Variants in SLC9A5 observed in about 807,000 individuals in gnomAD.
The protein encoded by SLC9A5 is solute carrier family 9 member A5, also known as sodium/hydrogen exchanger 5.
In SLC9A5, 52 loss-of-function variants were observed where a neutral mutation model predicts 91.7. That is an observed-to-expected ratio of 0.57 (90% confidence interval 0.45 to 0.71). SLC9A5 has a LOEUF of 0.71. Among genes scored for constraint, SLC9A5 ranks in the 30% least tolerant of loss-of-function variants. SLC9A5 has a pLI of 0.00. For synonymous variants in SLC9A5, 419 were observed against 474.5 expected (o/e 0.88, Z 1.52); for missense variants, 871 against 1,158.9 (o/e 0.75, Z 3.61).
chr16:67,271,045 A>C lies in SLC9A5; in HGVS notation c.2526A>C (p.Pro842=), dbSNP rs1597368976. Residue 842 remains proline, a synonymous_variant, in exon 16 of 16, where the codon CCA becomes CCC. Transcript: ENST00000299798. ...PSDPRSSFAF[P]PSLAKAGRSR... ...ATCCACGCTCTAGCTTCGCCTTCCC[A>C]CCGAGCCTGGCCAAGGCTGGCCGCT... 6.2e-7 allele frequency: 1 copy of C among 1,611,706 alleles called. No homozygotes were observed. The highest frequency in any genetic ancestry group is 8.5e-7 in the Non-Finnish European group (1 of 1,178,610).
rs1281697354 is a variant in SLC9A5, at chr16:67,258,498, C to T, written c.1626+51C>T. On this transcript the variant is annotated intron_variant, in intron 10 of 15. Transcript: ENST00000299798. The surrounding 1 kb of genome is among the most constrained non-coding windows in gnomAD (Gnocchi z 4.5). ...CAGTGGTGGGTGGGCAGATGGTCAGCAGAGCAGGACAGAAAGGGGTGGCAA... is the reference window on the plus strand; with the variant it reads ...CAGTGGTGGGTGGGCAGATGGTCAGTAGAGCAGGACAGAAAGGGGTGGCAA... 3 of 1,608,376 alleles carry T rather than the reference C, an allele frequency of 1.9e-6. No homozygotes were observed. In the South Asian group the frequency reaches 3.3e-5, roughly 18 times the overall value.
At position 67,254,941 on chromosome 16, in the gene SLC9A5, C is replaced by A. The variant is rs2035254266; in HGVS notation, c.491-80C>A. 5 of 1,417,980 alleles carry A rather than the reference C, an allele frequency of 3.5e-6. No individual in the cohort carries two copies. In the East Asian group the frequency reaches 9.2e-5, roughly 26 times the overall value. The allele number at this position is 1,417,980 out of a possible 1,614,324, so 87.8% of individuals were successfully genotyped here. A position where few individuals can be genotyped will look rare whatever the true frequency, so the allele number is the denominator to read the frequency against. ...CTTGCTGTTATCAGCAGGGGTGGGG[C>A]CTGGGCTTGTTCCAGGGCGTGCTCC... On this transcript the variant is annotated intron_variant, in intron 2 of 15. Coordinates refer to ENST00000299798, the MANE Select transcript of SLC9A5 (RefSeq NM_004594.3).
chr16:67,269,270 G>GA (rs971771548), intron 15 of SLC9A5, among the ~76,000 whole-genome samples: 85 of 144,730 alleles, frequency 5.9e-4, no homozygotes, highest in South Asian at 2.0e-3. Context: ...CTAAAAATAC[G>GA]AAAAAAAAAA....
At position 67,270,600 on chromosome 16, in the gene SLC9A5, C is replaced by T. The variant is rs535722065; in HGVS notation, c.2219-138C>T. ...GAGAGTAAAACAAGCTGTGGTACTT[C>T]GCCTCAGCAAGACATTCATCCGATA... On this transcript the variant is annotated intron_variant, in intron 15 of 15. Transcript: ENST00000299798. The surrounding 1 kb of genome is among the most constrained non-coding windows in gnomAD (Gnocchi z 4.3). 5.1e-5 allele frequency: 32 copies of T among 623,232 alleles called. No individual in the cohort carries two copies. Among genetic ancestry groups the T allele is most frequent in the Middle Eastern group, 3.8e-4 (1 of 2,608 alleles). 38.6% of individuals were successfully genotyped at this position (623,232 alleles called of 1,614,324 possible). A position where few individuals can be genotyped will look rare whatever the true frequency, so the allele number is the denominator to read the frequency against.
chr16:67,264,691 G>A (rs2035642258), intron 13 of SLC9A5, among the ~76,000 whole-genome samples, 169 bp downstream of exon 13: 1 of 152,162 alleles, frequency 6.6e-6, no homozygotes, highest in Non-Finnish European at 1.5e-5. Flanking sequence ...TGGAGTCCCA[G>A]AAGGGTAAGG....
At chr16:67,266,043 A>G (rs2035687834) in intron 14 of SLC9A5, 45 bp from the exon 15 acceptor site, 1 of 1,605,226 alleles carries the variant, frequency 6.2e-7, no homozygotes. Flanking sequence ...CCCAACAGGC[A>G]GCTGCCAGCC....
chr16:67,265,887 T>A (rs1223190962), intron 14 of SLC9A5, among the ~76,000 whole-genome samples: 1 of 152,166 alleles, frequency 6.6e-6, no homozygotes, highest in Non-Finnish European at 1.5e-5. Context: ...TCTGGTCGCT[T>A]CCTTGGGCTC....
intron 12 of SLC9A5, among the ~76,000 whole-genome samples, chr16:67,260,198 T>C (rs1484443289): frequency 6.6e-6 from 1 of 151,422 alleles, no homozygotes; most frequent in Non-Finnish European, 1.5e-5. Context: ...CTACTAAAAA[T>C]ACAAAAATTA....
At position 67,255,212 on chromosome 16, in the gene SLC9A5, C is replaced by G. The variant is rs750814291; in HGVS notation, c.654+28C>G. 1.9e-6 allele frequency: 3 copies of G among 1,606,096 alleles called. No homozygotes were observed. The highest frequency in any genetic ancestry group is 1.7e-6 in the Non-Finnish European group (2 of 1,174,752). On this transcript the variant is annotated intron_variant, in intron 3 of 15. Coordinates refer to ENST00000299798, the MANE Select transcript of SLC9A5 (RefSeq NM_004594.3). The surrounding 1 kb of genome is among the most constrained non-coding windows in gnomAD (Gnocchi z 4.9). ...GAGCGTGCTCAGCTGACTGCCATTC[C>G]CTGACCCCAGGCTGCATGCTCTGAC... is the stretch of plus-strand genomic sequence containing the variant.
rs2035279249 is a variant in SLC9A5 at position 67,255,485 on chromosome 16, C to T, written c.733+14C>T. ...TGAAGGGAGTCGGTCAGTATTTCCC[C>T]GCTCCCAGCTGGCATTGGAGGTCTG... On this transcript the variant is annotated intron_variant, in intron 4 of 15. Coordinates refer to ENST00000299798, the MANE Select transcript of SLC9A5 (RefSeq NM_004594.3). The surrounding 1 kb of genome is among the most constrained non-coding windows in gnomAD (Gnocchi z 4.9). The T allele has an allele frequency of 9.3e-6, 15 of 1,613,120 alleles. No individual in the cohort carries two copies. The highest frequency in any genetic ancestry group is 2.2e-5 in the East Asian group (1 of 44,888).
At position 67,256,630 on chromosome 16, in the gene SLC9A5, C is replaced by T; in HGVS notation, c.1073C>T (p.Ala358Val). The change falls in exon 6 of 16, where the codon GCC becomes GTC. Residue 358 changes from alanine to valine, a missense_variant. Ala to Val is a moderately conservative substitution (Grantham distance 64, BLOSUM62 0). Coordinates refer to ENST00000299798, the MANE Select transcript of SLC9A5 (RefSeq NM_004594.3). This position sits in a 1 kb window ranked among gnomAD's most constrained non-coding sequence, Gnocchi z 4.1. The part of the protein sequence containing the change: ...GISAVDSSKW[A>V]WDSGLVLGTL... Reference sequence around the variant, plus strand: ...TCAGCCGTGGACTCTTCTAAGTGGGCCTGGGATTCTGGGCTGGTGCTGGGC... The same window carrying T: ...TCAGCCGTGGACTCTTCTAAGTGGGTCTGGGATTCTGGGCTGGTGCTGGGC... 2 of 1,614,024 alleles carry T rather than the reference C, an allele frequency of 1.2e-6. No individual in the cohort carries two copies. The highest frequency in any genetic ancestry group is 1.7e-6 in the Non-Finnish European group (2 of 1,180,014).
rs139757532 is a variant in SLC9A5 at position 67,262,129 on chromosome 16, CCTT to C, written c.1842+2187_1842+2189del. The C allele has an allele frequency of 8.1e-4, 298 of 368,160 alleles. 4 individuals are homozygous for C. In the East Asian group the frequency reaches 0.018, roughly 23 times the overall value. 22.8% of individuals were successfully genotyped at this position (368,160 alleles called of 1,614,324 possible). On this transcript the variant is annotated intron_variant, in intron 12 of 15. Transcript: ENST00000299798. ...TTCCCATGTCTGCCACCAAATGTCT[CCTT>C]CTTAGATTCATATCATCTGAAAATT...
intron 10 of SLC9A5, among the ~76,000 whole-genome samples, chr16:67,259,345 T>C (rs1344317631): frequency 4.5e-5 from 5 of 111,414 alleles, no homozygotes; most frequent in African/African-American, 1.9e-4. Flanking sequence ...GCTTGGGTGA[T>C]AGAGTGACTC....
At chr16:67,269,595 A>G (rs1318579770) in intron 15 of SLC9A5, among the ~76,000 whole-genome samples, 3 of 152,146 alleles carry the variant, frequency 2.0e-5, no homozygotes, top group Admixed American at 2.0e-4. Context: ...TTTGTTTTAC[A>G]CTTTTTGTTG....
At chr16:67,265,825 G>A (rs555296691) in intron 14 of SLC9A5, among the ~76,000 whole-genome samples, 1 of 152,202 alleles carries the variant, frequency 6.6e-6, no homozygotes, top group South Asian at 2.1e-4. Context: ...AGAAGAGGAT[G>A]GGGGAGCTGG....
At position 67,256,074 on chromosome 16, in the gene SLC9A5, G is replaced by T; in HGVS notation, c.911+144G>T. The T allele has an allele frequency of 1.1e-6, 1 of 884,380 alleles. No homozygotes were observed. The highest frequency in any genetic ancestry group is 1.7e-6 in the Non-Finnish European group (1 of 586,564). The allele number at this position is 884,380 out of a possible 1,614,324, so 54.8% of individuals were successfully genotyped here. On this transcript the variant is annotated intron_variant, in intron 5 of 15. Coordinates refer to ENST00000299798, the MANE Select transcript of SLC9A5 (RefSeq NM_004594.3). The surrounding 1 kb of genome is among the most constrained non-coding windows in gnomAD (Gnocchi z 4.1). ...AGTGGGAGCCTCAGACTGTCCTGGGGAGTCAGTAAACCTCAGCAATATTTC... is the reference window on the plus strand; with the variant it reads ...AGTGGGAGCCTCAGACTGTCCTGGGTAGTCAGTAAACCTCAGCAATATTTC...
At chr16:67,249,819 G>A (rs1377645171) in intron 1 of SLC9A5, among the ~76,000 whole-genome samples, 1 of 152,120 alleles carries the variant, frequency 6.6e-6, no homozygotes, top group African/African-American at 2.4e-5. Context: ...TCCGTGTATC[G>A]GGGCCTTCCT....
chr16:67,257,762 C>A lies in SLC9A5; in HGVS notation c.1496+161C>A, dbSNP rs891933535. 9.9e-5 allele frequency among the ~76,000 whole-genome samples: 15 copies of A among 152,252 alleles called. No homozygotes were observed. The highest frequency in any genetic ancestry group is 8.5e-4 in the Admixed American group (13 of 15,290). On this transcript the variant is annotated intron_variant, in intron 9 of 15. Coordinates refer to ENST00000299798, the MANE Select transcript of SLC9A5 (RefSeq NM_004594.3). This position sits in a 1 kb window ranked among gnomAD's most constrained non-coding sequence, Gnocchi z 5.1. ...GCATCCCAGTGCTCTCAGGTTAAGA[C>A]AAGGCTCCCCAGTGTGGCCTGCTTG...
rs2035146086 is a variant in SLC9A5, at chr16:67,252,129, T to G, written c.188-413T>G. On this transcript the variant is annotated intron_variant, in intron 1 of 15. Transcript: ENST00000299798. This position sits in a 1 kb window ranked among gnomAD's most constrained non-coding sequence, Gnocchi z 4.0. ...TGGAGATTGGAAATTCTAGAAGTCT[T>G]GCATATTTCTCCTCCCTTGGTCCCA... Among the ~76,000 whole-genome samples, 1 of 152,048 alleles carries G rather than the reference T, an allele frequency of 6.6e-6. No homozygotes were observed. Among genetic ancestry groups the G allele is most frequent in the African/African-American group, 2.4e-5 (1 of 41,404 alleles).
Sources: allele counts gnomAD v4.1 joint callset (sites outside exome capture counted in the v4.1 genomes callset), GRCh38; gene constraint gnomAD v4.1.1; non-coding constraint Gnocchi (gnomAD v3.1); transcripts MANE v1.5; gene names NCBI Gene and HGNC (gene_info 2026-07-23, HGNC 2026-07-21).